GSE1: variants seen among roughly 807,000 people sequenced by gnomAD.
GSE1 encodes the protein genetic suppressor element 1.
In GSE1, 32 loss-of-function variants were observed where a neutral mutation model predicts 112.6. The ratio of observed to expected loss-of-function variants is 0.28; its 90% CI spans 0.21 to 0.38. The LOEUF is 0.38. Among genes scored for constraint, GSE1 ranks in the 10% least tolerant of loss-of-function variants. GSE1 has a pLI of 1.00. For synonymous variants in GSE1, 1,115 were observed against 735.6 expected (o/e 1.52, Z -8.35); for missense variants, 2,348 against 1,699.2 (o/e 1.38, Z -6.71).
chr16:85,316,517 T>A (rs911878503), intron 1 of GSE1, among the ~76,000 whole-genome samples: 1 of 152,164 alleles, frequency 6.6e-6, no homozygotes, highest in Non-Finnish European at 1.5e-5. Context: ...TCCAGCAGGC[T>A]TTGATCTGAG....
chr16:85,514,035 C>T (rs1184474059), intron 2 of GSE1, among the ~76,000 whole-genome samples: 1 of 152,136 alleles, frequency 6.6e-6, no homozygotes, highest in Non-Finnish European at 1.5e-5. Context: ...CAAAAGACCC[C>T]AGGCTCCCCG....
intron 1 of GSE1, among the ~76,000 whole-genome samples, chr16:85,561,589 C>T (rs2045523973): frequency 6.6e-6 from 1 of 152,206 alleles, no homozygotes; most frequent in Non-Finnish European, 1.5e-5. Context: ...AAACTGAGGC[C>T]CAGAGAGAGC....
chr16:85,355,888 A>G lies in GSE1; in HGVS notation c.2284-1575A>G, dbSNP rs528712929. On this transcript the variant is annotated intron_variant, in intron 1 of 2. Transcript: ENST00000637419. Reference sequence around the variant, plus strand: ...AAACAAAAAACAAAATGAGCCGGGCATGGGGGCGGGCACCTGTAATCCCAG... The same window carrying G: ...AAACAAAAAACAAAATGAGCCGGGCGTGGGGGCGGGCACCTGTAATCCCAG... Among the ~76,000 whole-genome samples, 6 of 152,162 alleles carry G rather than the reference A, an allele frequency of 3.9e-5. No individual in the cohort carries two copies. In the East Asian group the frequency reaches 1.2e-3, roughly 30 times the overall value.
chr16:85,621,329 G>A (rs72801186), intron 1 of GSE1, among the ~76,000 whole-genome samples: 5,070 of 152,318 alleles, frequency 0.033, 118 homozygotes, highest in Non-Finnish European at 0.051. Flanking sequence ...GGGGGAACCC[G>A]CTTAGATCGT....
chr16:85,479,792 C>T (rs1020228436), intron 2 of GSE1, among the ~76,000 whole-genome samples: 7 of 152,184 alleles, frequency 4.6e-5, no homozygotes, highest in African/African-American at 1.7e-4. Flanking sequence ...AGGTGCCGGC[C>T]TGAACCCTTC....
intron 1 of GSE1, among the ~76,000 whole-genome samples, chr16:85,625,956 C>G (rs999768757): frequency 6.6e-6 from 1 of 152,092 alleles, no homozygotes; most frequent in East Asian, 1.9e-4. Flanking sequence ...GCACAGGTTG[C>G]CCCCGCCCAC....
intron 1 of GSE1, among the ~76,000 whole-genome samples, chr16:85,324,641 G>A (rs377154508): frequency 1.3e-5 from 2 of 152,152 alleles, no homozygotes; most frequent in African/African-American, 2.4e-5. Context: ...GTTGATGAGC[G>A]GATAAACAAA....
intron 1 of GSE1, among the ~76,000 whole-genome samples, chr16:85,175,165 C>T (rs1193825346): frequency 1.3e-5 from 2 of 152,130 alleles, no homozygotes; most frequent in Non-Finnish European, 2.9e-5. Flanking sequence ...GGAGGGTGTC[C>T]CCTGCACCTT....
chr16:85,400,428 G>T (rs1406510274), intron 2 of GSE1, among the ~76,000 whole-genome samples: 9 of 151,984 alleles, frequency 5.9e-5, no homozygotes, highest in African/African-American at 2.2e-4. Flanking sequence ...GTCTTTGTGT[G>T]TGTCTCTGCA....
At chr16:85,641,741 G>C (rs958791615) in intron 2 of GSE1, among the ~76,000 whole-genome samples, 1 of 152,252 alleles carries the variant, frequency 6.6e-6, no homozygotes, top group African/African-American at 2.4e-5. Context: ...TCTGGGGTCT[G>C]CTATTCCCGT....
intron 1 of GSE1, among the ~76,000 whole-genome samples, chr16:85,624,620 C>G (rs2048949991): frequency 6.6e-6 from 1 of 152,244 alleles, no homozygotes; most frequent in African/African-American, 2.4e-5. Flanking sequence ...GCCAGGACAG[C>G]TGGGTTTCCT....
At chr16:85,547,454 C>T (rs899328076) in intron 2 of GSE1, among the ~76,000 whole-genome samples, 1 of 152,166 alleles carries the variant, frequency 6.6e-6, no homozygotes, top group Non-Finnish European at 1.5e-5. Context: ...TTCACGTGGC[C>T]ATCTCTCCTG....
At chr16:85,402,841 G>A (rs544291491) in intron 2 of GSE1, among the ~76,000 whole-genome samples, 87 of 152,196 alleles carry the variant, frequency 5.7e-4, no homozygotes, top group African/African-American at 2.0e-3. Flanking sequence ...CCTGAGCCAG[G>A]GGAGATGGGG....
At chr16:85,472,459 A>C (rs117124589) in intron 2 of GSE1, among the ~76,000 whole-genome samples, 3 of 152,022 alleles carry the variant, frequency 2.0e-5, no homozygotes, top group Non-Finnish European at 2.9e-5. Flanking sequence ...TCTGTGTCCA[A>C]ATTTCCTTCT....
At chr16:85,660,041 G>C (rs1013267988) in intron 8 of GSE1, among the ~76,000 whole-genome samples, 2 of 152,240 alleles carry the variant, frequency 1.3e-5, no homozygotes, top group African/African-American at 4.8e-5. Flanking sequence ...GGCTGCCTGC[G>C]GGGACAGTGG....
chr16:85,604,310 A>C (rs2047590484), intron 1 of GSE1, among the ~76,000 whole-genome samples: 1 of 152,144 alleles, frequency 6.6e-6, no homozygotes, highest in South Asian at 2.1e-4. Context: ...TTCAAGGTTC[A>C]TCTGTGTTGT....
chr16:85,204,902 C>T (rs1188297627), intron 1 of GSE1, among the ~76,000 whole-genome samples: 1 of 152,184 alleles, frequency 6.6e-6, no homozygotes, highest in Non-Finnish European at 1.5e-5. Context: ...GGGGACAGAC[C>T]ACAAGCTCAG....
chr16:85,192,020 T>C (rs1317472857), intron 1 of GSE1, among the ~76,000 whole-genome samples: 2 of 152,162 alleles, frequency 1.3e-5, no homozygotes, highest in Non-Finnish European at 2.9e-5. Flanking sequence ...ATGTTGAAAA[T>C]GTAGACAGCA....
chr16:85,482,977 CAAA>C (rs3054201), intron 2 of GSE1, among the ~76,000 whole-genome samples: 6 of 48,294 alleles, frequency 1.2e-4, no homozygotes, highest in African/African-American at 4.2e-4. Flanking sequence ...GACTCCGTCT[CAAA>C]AAAAAAAAAA....
Sources: allele counts gnomAD v4.1 joint callset (sites outside exome capture counted in the v4.1 genomes callset), GRCh38; gene constraint gnomAD v4.1.1; transcripts MANE v1.5; gene names NCBI Gene and HGNC (gene_info 2026-07-23, HGNC 2026-07-21).